Variants in PTCHD4 observed in about 807,000 individuals in gnomAD.
PTCHD4 encodes the protein patched domain-containing protein 4.
Under a neutral mutation model 58.1 loss-of-function variants are expected in PTCHD4, and 33 were observed. The observed-to-expected ratio is 0.57, with a 90% CI of 0.43 to 0.76. The LOEUF (loss-of-function observed/expected upper bound fraction) is 0.76, where lower values mean the gene tolerates loss of function less well. PTCHD4 is among the 30% of genes least tolerant of loss of function. The pLI is 0.00. For synonymous variants in PTCHD4, 478 were observed against 409.6 expected, an observed-to-expected ratio of 1.17 and a Z score of -2.02; for missense variants, 1,058 against 1,027.1, an observed-to-expected ratio of 1.03 and a Z score of -0.41.
At chr6:48,110,794 T>A (rs1183937517) in intron 1 of PTCHD4, among the ~76,000 whole-genome samples, 1 of 145,478 alleles carries the variant, frequency 6.9e-6, no homozygotes, top group African/African-American at 2.5e-5. Context: ...TATATATAAA[T>A]ATATATATAT....
chr6:48,032,582 C>A (rs1175264106), intron 3 of PTCHD4, among the ~76,000 whole-genome samples: 1 of 151,948 alleles, frequency 6.6e-6, no homozygotes, highest in Non-Finnish European at 1.5e-5. Context: ...ATTTACAAAG[C>A]AATAACATAT....
intron 3 of PTCHD4, among the ~76,000 whole-genome samples, chr6:48,033,450 T>C (rs1326063356): frequency 1.3e-5 from 2 of 151,266 alleles, no homozygotes; most frequent in African/African-American, 4.9e-5. Context: ...GCAACAGGAG[T>C]GTCACTGTGG....
At chr6:48,038,866 C>G (rs1763741803) in intron 3 of PTCHD4, among the ~76,000 whole-genome samples, 2 of 151,988 alleles carry the variant, frequency 1.3e-5, no homozygotes, top group African/African-American at 2.4e-5. Context: ...TATAGAGAAC[C>G]CAGTGCACCT....
At chr6:47,941,233 A>T (rs539531280) in intron 4 of PTCHD4, among the ~76,000 whole-genome samples, 3 of 152,344 alleles carry the variant, frequency 2.0e-5, no homozygotes, top group Non-Finnish European at 4.4e-5. Context: ...AAAGCAGAAG[A>T]CATACTTGTG....
intron 3 of PTCHD4, among the ~76,000 whole-genome samples, chr6:48,033,162 TC>T (rs746654649): frequency 6.6e-6 from 1 of 152,138 alleles, no homozygotes; most frequent in Non-Finnish European, 1.5e-5. Context: ...CAGTAAATCA[TC>T]TCTCAAAGGT....
At chr6:47,927,535 G>A (rs548716757) in intron 4 of PTCHD4, among the ~76,000 whole-genome samples, 1 of 152,268 alleles carries the variant, frequency 6.6e-6, no homozygotes, top group African/African-American at 2.4e-5. Flanking sequence ...TACAAGATGT[G>A]ATGAAGGGAT....
At chr6:47,933,117 T>G (rs1385402045) in intron 4 of PTCHD4, among the ~76,000 whole-genome samples, 1 of 152,194 alleles carries the variant, frequency 6.6e-6, no homozygotes, top group South Asian at 2.1e-4. Context: ...CTGCAGGAAT[T>G]TGATATGGCT....
Position 48,008,848 on chromosome 6 carries a change from G to C in PTCHD4, c.684C>G (p.Ile228Met). Residue 228 changes from isoleucine (I) to methionine (M), a missense_variant, in exon 4 of 5, where the codon ATC (isoleucine) becomes ATG (methionine). Ile to Met is a conservative substitution (Grantham distance 10, BLOSUM62 1). Transcript: ENST00000339488. Reference protein sequence around the residue: ...SLWRDFHKTSILARSKVLVSL... With the variant: ...SLWRDFHKTSMLARSKVLVSL... ...TCACCAGGACCTTGCTTCTGGCCAG[G>C]ATGCTGGTCTTATGAAAGTCCCTCC... The C allele has an allele frequency of 6.2e-7, 1 of 1,614,024 alleles. No individual in the cohort carries two copies. The highest frequency in any genetic ancestry group is 8.5e-7 in the Non-Finnish European group (1 of 1,179,904).
intron 1 of PTCHD4, among the ~76,000 whole-genome samples, chr6:48,106,751 G>T (rs1765734754): frequency 6.6e-6 from 1 of 152,050 alleles, no homozygotes; most frequent in Admixed American, 6.6e-5. Flanking sequence ...AACTTCAGCA[G>T]TCTCAGGATA....
intron 4 of PTCHD4, among the ~76,000 whole-genome samples, chr6:48,008,230 A>G (rs1158951676): frequency 6.6e-6 from 1 of 152,224 alleles, no homozygotes; most frequent in Non-Finnish European, 1.5e-5. Flanking sequence ...ATTGGTCCTC[A>G]GAATTTTCAT....
rs573541876 is a variant in PTCHD4 at position 47,922,554 on chromosome 6, G to A, written c.899-42618C>T. On this transcript the variant is annotated intron_variant, in intron 4 of 4. Transcript: ENST00000339488. ...GGGCTCATTGTGGGGACCAGATAAA[G>A]GAATCCCTTCCTCCATGTGGATCCA... Among the ~76,000 whole-genome samples, 19 of 152,318 alleles carry A rather than the reference G, an allele frequency of 1.2e-4. No homozygotes were observed. The South Asian group carries it at 3.5e-3, about 28-fold the overall frequency.
At chr6:47,895,889 T>C (rs1764515000) in intron 4 of PTCHD4, among the ~76,000 whole-genome samples, 1 of 152,166 alleles carries the variant, frequency 6.6e-6, no homozygotes, top group African/African-American at 2.4e-5. Flanking sequence ...ACTCAGATGA[T>C]GTCTGCATAG....
chr6:47,945,676 A>AT (rs1373357173), intron 4 of PTCHD4, among the ~76,000 whole-genome samples: 6 of 151,792 alleles, frequency 4.0e-5, no homozygotes, highest in African/African-American at 1.2e-4. Flanking sequence ...ACTTTCATTG[A>AT]TTTTTTTACT....
At position 47,864,305 on chromosome 6, in the gene PTCHD4, G is replaced by GAT. The variant is rs556647327; in HGVS notation, c.*13996_*13997dup. Among the ~76,000 whole-genome samples the GAT allele has an allele frequency of 0.033, 4,865 of 148,260 alleles. 144 individuals carry two copies. The highest frequency in any genetic ancestry group is 0.048 in the Non-Finnish European group (3,188 of 66,934). ...TATAAATGGAGCCCATTATTTTTGA[G>GAT]ATATATATATACACACACACACACA... On this transcript the variant is annotated 3_prime_UTR_variant, in exon 5 of 5. Coordinates refer to ENST00000339488, the MANE Select transcript of PTCHD4 (RefSeq NM_001384253.1).
intron 3 of PTCHD4, among the ~76,000 whole-genome samples, chr6:48,067,290 A>G (rs1318907817): frequency 6.6e-6 from 1 of 152,248 alleles, no homozygotes; most frequent in Admixed American, 6.5e-5. Flanking sequence ...TTGAGAGTCT[A>G]AACAGCACAA....
Position 47,879,173 on chromosome 6 carries a change from G to A in PTCHD4, c.1662C>T (p.Phe554=), listed in dbSNP as rs760627376. The change falls in exon 5 of 5, where the codon TTC becomes TTT. Residue 554 remains phenylalanine (F), a synonymous_variant. Coordinates refer to ENST00000339488, the MANE Select transcript of PTCHD4 (RefSeq NM_001384253.1). The part of the protein sequence containing the change: ...AVSWVEQYYQ[F]LKVSNVSANN... ...TGGCACTGACGTTGCTGACTTTCAG[G>A]AACTGGTAGTACTGCTCCACCCAGG... is the stretch of plus-strand genomic sequence containing the variant. The A allele has an allele frequency of 6.2e-7, 1 of 1,612,104 alleles. No individual in the cohort carries two copies. Among genetic ancestry groups the A allele is most frequent in the Non-Finnish European group, 8.5e-7 (1 of 1,179,690 alleles).
At chr6:48,075,759 C>T (rs994058338) in intron 1 of PTCHD4, among the ~76,000 whole-genome samples, 1 of 152,080 alleles carries the variant, frequency 6.6e-6, no homozygotes, top group African/African-American at 2.4e-5. Flanking sequence ...TTAAGAAATC[C>T]TTTATTGCTG....
rs1763936724 is a variant in PTCHD4, at chr6:47,879,086, CTGGAA to C, written c.1744_1748del (p.Phe582AlafsTer5). On this transcript the variant is annotated frameshift_variant, in exon 5 of 5. Coordinates refer to ENST00000339488, the MANE Select transcript of PTCHD4 (RefSeq NM_001384253.1). LOFTEE classifies it high-confidence loss of function. ...AGAAGATGATATCATTTCGAAAATG[CTGGAA>C]TTCTGGCTTTTTTAAAAATGAGCTT... 6.2e-7 allele frequency: 1 copy of C among 1,613,048 alleles called. No homozygotes were observed. Among genetic ancestry groups the C allele is most frequent in the Non-Finnish European group, 8.5e-7 (1 of 1,179,694 alleles).
chr6:48,040,197 G>C (rs1582062821), intron 3 of PTCHD4, among the ~76,000 whole-genome samples: 1 of 152,052 alleles, frequency 6.6e-6, no homozygotes, highest in South Asian at 2.1e-4. Context: ...TGGGTAATAA[G>C]GTTGGTCTAT....
Sources: gnomAD v4.1 joint callset for allele counts (sites outside exome capture counted in the v4.1 genomes callset) on GRCh38, gnomAD v4.1.1 for gene constraint, MANE v1.5 for transcripts, NCBI Gene and HGNC (gene_info 2026-07-23, HGNC 2026-07-21) for gene names.